LHX8: variants seen among roughly 807,000 people sequenced by gnomAD.
The protein encoded by LHX8 is LIM homeobox 8.
Under a neutral mutation model 40.3 loss-of-function variants are expected in LHX8, and 12 were observed. The observed-to-expected ratio is 0.30, with a 90% CI of 0.19 to 0.48. The LOEUF (loss-of-function observed/expected upper bound fraction) is 0.48. LHX8 is among the 20% of genes least tolerant of loss of function. LHX8 has a pLI of 0.99. For synonymous variants in LHX8, 179 were observed against 162.0 expected, an observed-to-expected ratio of 1.10 and a Z score of -0.80; for missense variants, 344 against 433.7, an observed-to-expected ratio of 0.79 and a Z score of 1.84.
chr1:75,177,247 C>G, the LHX8 span, among the ~76,000 whole-genome samples: 1 of 152,116 alleles, frequency 6.6e-6, no homozygotes, highest in African/African-American at 2.4e-5. Flanking sequence ...GGCATTGAAT[C>G]TGTAAATTAC....
At position 75,143,194 on chromosome 1, in the gene LHX8, G is replaced by A. The variant is rs775346408; in HGVS notation, c.436G>A (p.Val146Ile). 5 of 1,613,836 alleles carry A rather than the reference G, an allele frequency of 3.1e-6. No individual in the cohort carries two copies. The East Asian group carries it at 1.1e-4, about 36-fold the overall frequency. The part of the protein sequence containing the change: ...TDWVRRAKGN[V>I]YHLACFACFS... ...CTGGGTCCGGAGAGCCAAGGGGAATGTCTATCACTTGGCATGCTTTGCCTG... is the reference window on the plus strand; with the variant it reads ...CTGGGTCCGGAGAGCCAAGGGGAATATCTATCACTTGGCATGCTTTGCCTG... Residue 146 changes from valine (V) to isoleucine (I), a missense_variant, in exon 5 of 9, where the codon GTC becomes ATC. Transcript: ENST00000356261.
In LHX8 at chr1:75,139,798, T is replaced by C. The variant is rs577540924; in HGVS notation, c.238-1187T>C. 1.6e-4 allele frequency among the ~76,000 whole-genome samples: 25 copies of C among 152,320 alleles called. No individual in the cohort carries two copies. In the South Asian group the frequency reaches 4.4e-3, roughly 27 times the overall value. On this transcript the variant is annotated intron_variant, in intron 3 of 8. Coordinates refer to ENST00000356261, the MANE Select transcript of LHX8 (RefSeq NM_001256114.2). Reference sequence around the variant, plus strand: ...AACTGTAATTAGAAGTCAGTAAAACTTTCAGCTTCGAAGTACCTTTTATAT... The same window carrying C: ...AACTGTAATTAGAAGTCAGTAAAACCTTCAGCTTCGAAGTACCTTTTATAT...
the LHX8 span, among the ~76,000 whole-genome samples, chr1:75,169,760 G>C: frequency 6.6e-6 from 1 of 152,220 alleles, no homozygotes; most frequent in Non-Finnish European, 1.5e-5. Flanking sequence ...CCAAGCCCTT[G>C]AAAAATTTAT....
intron 7 of LHX8, among the ~76,000 whole-genome samples, chr1:75,153,829 A>T (rs771750436): frequency 2.6e-5 from 4 of 152,140 alleles, no homozygotes; most frequent in Non-Finnish European, 5.9e-5. Context: ...GGCTTGGTTC[A>T]TGGGAGATAG....
At chr1:75,130,694 C>T, upstream of LHX8, 1 of 1,613,114 alleles carries the variant, frequency 6.2e-7, no homozygotes, top group Non-Finnish European at 8.5e-7. Context: ...CCGTATACAG[C>T]TCTGCCATCT....
the LHX8 span, among the ~76,000 whole-genome samples, chr1:75,179,564 T>C: frequency 2.0e-5 from 3 of 150,930 alleles, no homozygotes; most frequent in African/African-American, 7.3e-5. Context: ...CATCCCTTTA[T>C]TTTGAGCGTA....
At chr1:75,188,586 TC>T in the LHX8 span, among the ~76,000 whole-genome samples, 1 of 152,310 alleles carries the variant, frequency 6.6e-6, no homozygotes, top group South Asian at 2.1e-4. Context: ...CCATACGTCT[TC>T]TTTTGTCCTT....
intron 8 of LHX8, chr1:75,160,313 A>G (rs1174267355): frequency 7.8e-5 from 12 of 153,246 alleles, no homozygotes; most frequent in Admixed American, 7.8e-4. Flanking sequence ...TTGGTTAGAT[A>G]AAAAATCAGA....
chr1:75,139,352 G>T (rs1648244858), intron 3 of LHX8, among the ~76,000 whole-genome samples: 1 of 152,132 alleles, frequency 6.6e-6, no homozygotes, highest in African/African-American at 2.4e-5. Flanking sequence ...GACATTTTAG[G>T]AGGGAAGTGA....
At chr1:75,138,361 A>C (rs1161175452) in intron 3 of LHX8, among the ~76,000 whole-genome samples, 4 of 152,212 alleles carry the variant, frequency 2.6e-5, no homozygotes, top group African/African-American at 9.6e-5. Context: ...TTTCTACCTC[A>C]ACATACAAAG....
upstream of LHX8, chr1:75,130,611 C>G: frequency 9.3e-7 from 1 of 1,075,104 alleles, no homozygotes; most frequent in Non-Finnish European, 1.5e-6. Context: ...AAAAGCACCC[C>G]TCTCTTACCC....
chr1:75,196,173 G>T, the LHX8 span, among the ~76,000 whole-genome samples: 1 of 152,056 alleles, frequency 6.6e-6, no homozygotes, highest in Non-Finnish European at 1.5e-5. Flanking sequence ...GGAAGATCTG[G>T]TGGTGGCATC....
intron 4 of LHX8, 81 bp downstream of exon 4, chr1:75,141,187 T>C (rs1648301446): frequency 2.0e-6 from 3 of 1,489,582 alleles, no homozygotes; most frequent in South Asian, 2.3e-5. Flanking sequence ...TTTTTCTTGT[T>C]CAGTTTTATT....
the LHX8 span, among the ~76,000 whole-genome samples, chr1:75,173,312 A>C: frequency 6.6e-6 from 1 of 151,902 alleles, no homozygotes; most frequent in African/African-American, 2.4e-5. Context: ...CACAGGTCAC[A>C]AAGCTTGTAA....
At chr1:75,147,633 A>T (rs938937011) in intron 6 of LHX8, among the ~76,000 whole-genome samples, 7 of 152,228 alleles carry the variant, frequency 4.6e-5, no homozygotes, top group South Asian at 2.1e-4. Flanking sequence ...ATGCCTGTAG[A>T]CAAGCACAAT....
chr1:75,148,087 G>T (rs1648509683), intron 6 of LHX8, among the ~76,000 whole-genome samples: 1 of 151,676 alleles, frequency 6.6e-6, no homozygotes, highest in Non-Finnish European at 1.5e-5. Context: ...TTTTTGCATA[G>T]AGCTAGTGCT....
chr1:75,160,789 C>G (rs761636726), intron 8 of LHX8, 30 bp from the exon 9 acceptor site: 2 of 1,503,436 alleles, frequency 1.3e-6, no homozygotes, highest in South Asian at 2.3e-5. Context: ...CCCTACAAAA[C>G]TGATCCACAA....
At chr1:75,174,414 C>T in the LHX8 span, among the ~76,000 whole-genome samples, 4 of 152,154 alleles carry the variant, frequency 2.6e-5, no homozygotes, top group Non-Finnish European at 5.9e-5. Flanking sequence ...CAGCTATAGT[C>T]CCTCCCTACA....
the LHX8 span, among the ~76,000 whole-genome samples, chr1:75,168,100 G>A: frequency 6.6e-6 from 1 of 152,190 alleles, no homozygotes; most frequent in Admixed American, 6.5e-5. Context: ...TCTAATATAG[G>A]TTAAAATGTA....
Sources: allele counts gnomAD v4.1 joint callset (sites outside exome capture counted in the v4.1 genomes callset), GRCh38; gene constraint gnomAD v4.1.1; transcripts MANE v1.5; gene names NCBI Gene and HGNC (gene_info 2026-07-23, HGNC 2026-07-21).